The following PCDH15 variants were observed in gnomAD, a reference collection of about 807,000 sequenced individuals.
The protein encoded by PCDH15 is protocadherin related 15, also known as protocadherin-15.
In PCDH15, 129 loss-of-function variants were observed where a neutral mutation model predicts 178.5. The ratio of observed to expected loss-of-function variants is 0.72; its 90% CI spans 0.63 to 0.84. The LOEUF (loss-of-function observed/expected upper bound fraction) is 0.84, where lower values mean the gene tolerates loss of function less well. Ranked by LOEUF, PCDH15 falls within the 40% of genes least tolerant of loss-of-function variation. The pLI, the probability that PCDH15 is intolerant of heterozygous loss-of-function variation, is 0.00. For synonymous variants in PCDH15, 800 were observed against 732.0 expected (o/e 1.09, Z -1.50); for missense variants, 2,230 against 2,099.9 (o/e 1.06, Z -1.21).
Position 54,463,395 on chromosome 10 carries a change from C to A in PCDH15, c.157+64417G>T, listed in dbSNP as rs572065050. ...ATAATGGCTATTACTTATCAGTAAG[C>A]AATCTGAGACCTAGTAAGGATAGAT... On this transcript the variant is annotated intron_variant, in intron 3 of 37. Transcript: ENST00000644397. Among the ~76,000 whole-genome samples the A allele has an allele frequency of 2.0e-5, 3 of 152,222 alleles. No homozygotes were observed. The East Asian group carries it at 5.8e-4, about 29-fold the overall frequency.
intron 2 of PCDH15, among the ~76,000 whole-genome samples, chr10:55,381,674 G>A (rs1837536810): frequency 6.6e-6 from 1 of 151,690 alleles, no homozygotes; most frequent in Non-Finnish European, 1.5e-5. Flanking sequence ...AAAATGCATA[G>A]GAAAAACAAA....
rs1349256380 is a variant in PCDH15, at chr10:55,392,325, C to A, written c.-155-225674G>T. Among the ~76,000 whole-genome samples the A allele has an allele frequency of 2.0e-5, 3 of 152,244 alleles. No homozygotes were observed. In the East Asian group the frequency reaches 5.8e-4, roughly 29 times the overall value. On this transcript the variant is annotated intron_variant, in intron 2 of 5. Coordinates refer to the PCDH15 transcript ENST00000613346. ...AGACCTTCAATTTGTAAAAGAAATG[C>A]AATAGTTGCAAAGTGCAATAAAACA...
intron 2 of PCDH15, among the ~76,000 whole-genome samples, chr10:54,621,276 C>G (rs893452980): frequency 6.6e-6 from 1 of 151,866 alleles, no homozygotes. Flanking sequence ...ATGCTAGCAA[C>G]AGTAATTACT....
At chr10:54,764,604 G>C (rs1238584230) in intron 1 of PCDH15, among the ~76,000 whole-genome samples, 1 of 152,086 alleles carries the variant, frequency 6.6e-6, no homozygotes, top group Non-Finnish European at 1.5e-5. Context: ...AGCTGAGAAG[G>C]TCATGTAGCA....
intron 2 of PCDH15, among the ~76,000 whole-genome samples, chr10:55,031,122 G>A (rs746487482): frequency 4.6e-5 from 7 of 152,072 alleles, no homozygotes; most frequent in Non-Finnish European, 8.8e-5. Flanking sequence ...GCCTTGTATA[G>A]TTTAGTTGTT....
chr10:53,905,944 CAAACAA>C (rs1332667713), intron 25 of PCDH15, among the ~76,000 whole-genome samples: 4 of 151,930 alleles, frequency 2.6e-5, no homozygotes, highest in Non-Finnish European at 5.9e-5. Flanking sequence ...AACCAGCACA[CAAACAA>C]AATCTCAAGA....
intron 2 of PCDH15, among the ~76,000 whole-genome samples, chr10:55,335,014 T>C (rs1844343035): frequency 2.0e-5 from 3 of 152,200 alleles, no homozygotes; most frequent in African/African-American, 7.2e-5. Flanking sequence ...ATAATTTATA[T>C]TTAGGTAGTC....
In PCDH15 at chr10:53,847,656, C is replaced by A. The variant is rs1715447394; in HGVS notation, c.3807-7160G>T. Among the ~76,000 whole-genome samples the A allele has an allele frequency of 2.0e-5, 3 of 152,014 alleles. No individual in the cohort carries two copies. In the South Asian group the frequency reaches 6.2e-4, roughly 31 times the overall value. The stretch of plus-strand genomic sequence containing the variant: ...TGTTAATTTTGTAACTGAGTCTGTT[C>A]TTTTTGTTTAGCTTGTTTGCTTCTT... On this transcript the variant is annotated intron_variant, in intron 28 of 37. Transcript: ENST00000644397.
intron 2 of PCDH15, among the ~76,000 whole-genome samples, chr10:54,534,577 CTAT>C (rs1191416324): frequency 6.6e-6 from 1 of 152,158 alleles, no homozygotes; most frequent in African/African-American, 2.4e-5. Flanking sequence ...CAACATTTCT[CTAT>C]TATCTGTTTC....
intron 2 of PCDH15, among the ~76,000 whole-genome samples, chr10:55,580,360 A>ATTTTTTTT (rs71017103): frequency 5.3e-5 from 7 of 131,578 alleles, no homozygotes; most frequent in Non-Finnish European, 9.8e-5. Context: ...TTATTTTTTT[A>ATTTTTTTT]TTTTTTTTTT....
intron 2 of PCDH15, among the ~76,000 whole-genome samples, chr10:54,561,970 C>A (rs924661403): frequency 2.7e-5 from 4 of 146,628 alleles, no homozygotes; most frequent in African/African-American, 5.0e-5. Flanking sequence ...GCATGAGCCA[C>A]CGCACCCAGC....
chr10:54,842,887 T>C (rs1953443143), intron 3 of PCDH15, among the ~76,000 whole-genome samples: 2 of 151,844 alleles, frequency 1.3e-5, no homozygotes, highest in African/African-American at 4.8e-5. Flanking sequence ...GGTTTGCTGT[T>C]GCCAAAGGAA....
chr10:55,346,549 C>T (rs1900480), intron 2 of PCDH15, among the ~76,000 whole-genome samples: 82,328 of 151,804 alleles, frequency 0.54, 22,804 homozygotes, highest in African/African-American at 0.63. Context: ...GATCCAATGT[C>T]GAGCATGTTT....
chr10:55,268,311 C>T (rs1054683180), intron 1 of PCDH15, among the ~76,000 whole-genome samples: 4 of 152,136 alleles, frequency 2.6e-5, no homozygotes, highest in African/African-American at 9.7e-5. Flanking sequence ...CCAGCCTTCT[C>T]ACTCCCACCA....
chr10:54,767,249 G>A (rs542786262), intron 1 of PCDH15, among the ~76,000 whole-genome samples: 3 of 152,176 alleles, frequency 2.0e-5, no homozygotes, highest in East Asian at 1.9e-4. Context: ...AAGAGGACTG[G>A]AGAAAACTCC....
At chr10:54,679,046 C>T (rs1426710478) in intron 1 of PCDH15, among the ~76,000 whole-genome samples, 2 of 151,440 alleles carry the variant, frequency 1.3e-5, no homozygotes, top group Admixed American at 6.6e-5. Flanking sequence ...AAAAATTAGC[C>T]GGGCGTGTTG....
chr10:54,019,626 C>A (rs937886732), intron 20 of PCDH15, among the ~76,000 whole-genome samples: 19 of 152,000 alleles, frequency 1.3e-4, no homozygotes, highest in African/African-American at 4.3e-4. Context: ...CTCTTTCAGG[C>A]AATCATCTGG....
At chr10:54,674,416 T>G (rs1286239100) in intron 1 of PCDH15, among the ~76,000 whole-genome samples, 1 of 152,152 alleles carries the variant, frequency 6.6e-6, no homozygotes, top group Admixed American at 6.5e-5. Flanking sequence ...AAATCATGTA[T>G]GAAATGTATA....
intron 1 of PCDH15, among the ~76,000 whole-genome samples, chr10:54,680,581 T>G (rs529575312): frequency 6.6e-6 from 1 of 152,254 alleles, no homozygotes; most frequent in South Asian, 2.1e-4. Flanking sequence ...CACCTTGAAT[T>G]GTAATAATCC....
Sources: gnomAD v4.1 joint callset for allele counts (sites outside exome capture counted in the v4.1 genomes callset) on GRCh38, gnomAD v4.1.1 for gene constraint, MANE v1.5 for transcripts, NCBI Gene and HGNC (gene_info 2026-07-23, HGNC 2026-07-21) for gene names.